Variants in ACHE observed in about 807,000 individuals in gnomAD.
ACHE encodes acetylcholinesterase.
A neutral mutation model predicts 53.9 loss-of-function variants in ACHE; 19 were observed. The observed-to-expected ratio is 0.35, with a 90% confidence interval of 0.25 to 0.52. The LOEUF (loss-of-function observed/expected upper bound fraction) is 0.52, where lower values mean the gene tolerates loss of function less well. Ranked by LOEUF, ACHE falls within the 20% of genes least tolerant of loss-of-function variation. The pLI is 0.95. For synonymous variants in ACHE, 392 were observed against 378.1 expected (o/e 1.04, Z -0.43); for missense variants, 605 against 849.4 (o/e 0.71, Z 3.58).
upstream of ACHE, chr7:100,896,094 T>A (rs897013152): frequency 6.6e-6 from 1 of 151,764 alleles, no homozygotes; most frequent in Non-Finnish European, 1.5e-5. Flanking sequence ...CAGAGCGCAG[T>A]GACAGACGCG....
At chr7:100,895,143 G>A (rs1028091016) in intron 1 of ACHE, among the ~76,000 whole-genome samples, 1 of 152,006 alleles carries the variant, frequency 6.6e-6, no homozygotes, top group Admixed American at 6.5e-5. Flanking sequence ...GCTATTTTGG[G>A]GGCAGCAGCT....
Position 100,894,008 on chromosome 7 carries a change from G to A in ACHE, c.225C>T (p.Pro75=), listed in dbSNP as rs774733896. The A allele has an allele frequency of 1.2e-6, 2 of 1,611,110 alleles. No individual in the cohort carries two copies. Among genetic ancestry groups the A allele is most frequent in the Admixed American group, 1.7e-5 (1 of 59,406 alleles). The part of the protein sequence containing the change: ...GIPFAEPPMG[P]RRFLPPEPKQ... Reference sequence around the variant, plus strand: ...TGGGCTCCGGTGGCAGAAAGCGACGGGGTCCCATGGGTGGCTCCGCAAAGG... The same window carrying A: ...TGGGCTCCGGTGGCAGAAAGCGACGAGGTCCCATGGGTGGCTCCGCAAAGG... The change falls in exon 2 of 5, where the codon CCC becomes CCT. Residue 75 remains proline, a synonymous_variant. Coordinates refer to ENST00000241069, the MANE Select transcript of ACHE (RefSeq NM_000665.5).
chr7:100,892,200 A>G lies in ACHE; in HGVS notation c.1553+134T>C. 1 of 1,133,226 alleles carries G rather than the reference A, an allele frequency of 8.8e-7. No individual in the cohort carries two copies. Among genetic ancestry groups the G allele is most frequent in the Non-Finnish European group, 1.2e-6 (1 of 869,224 alleles). The allele number at this position is 1,133,226 out of a possible 1,614,324, so 70.2% of individuals were successfully genotyped here. ...TCTCTCCCCTTTTATCTACTTTGTG[A>G]GCATATCCCTCTCTGGCTGTTCTAT... On this transcript the variant is annotated intron_variant, in intron 3 of 4. Transcript: ENST00000241069. This position sits in a 1 kb window ranked among gnomAD's most constrained non-coding sequence, Gnocchi z 5.2.
Position 100,894,107 on chromosome 7 carries a change from C to T in ACHE, c.126G>A (p.Thr42=), listed in dbSNP as rs762707615. 2.0e-5 allele frequency: 30 copies of T among 1,509,986 alleles called. No homozygotes were observed. Among genetic ancestry groups the T allele is most frequent in the Non-Finnish European group, 2.6e-5 (29 of 1,131,212 alleles). The allele number at this position is 1,509,986 out of a possible 1,614,324, so 93.5% of individuals were successfully genotyped here. The part of the protein sequence containing the change: ...EGREDAELLV[T]VRGGRLRGIR... Reference sequence around the variant, plus strand: ...TGCCCCGCAGCCGGCCCCCACGCACCGTCACCAGCAGCTCTGCATCCTCCC... The same window carrying T: ...TGCCCCGCAGCCGGCCCCCACGCACTGTCACCAGCAGCTCTGCATCCTCCC... The change falls in exon 2 of 5, where the codon ACG becomes ACA. Residue 42 remains threonine, a synonymous_variant. Transcript: ENST00000241069.
At chr7:100,890,703 T>A (rs1025808431) in intron 4 of ACHE, 4 of 1,322,310 alleles carry the variant, frequency 3.0e-6, no homozygotes, top group Non-Finnish European at 3.9e-6. Context: ...TTCCCCCCAA[T>A]GTCAGGCTCA....
intron 1 of ACHE, 57 bp from the exon 2 acceptor site, chr7:100,894,309 G>A (rs925130885): frequency 6.3e-6 from 8 of 1,277,728 alleles, no homozygotes; most frequent in Middle Eastern, 2.2e-4. Flanking sequence ...CAGGAGGGAG[G>A]AGATTAGGGC....
intron 3 of ACHE, 133 bp from the exon 4 acceptor site, chr7:100,891,471 C>A: frequency 2.3e-6 from 2 of 882,562 alleles, no homozygotes; most frequent in Non-Finnish European, 3.2e-6. Flanking sequence ...CCACTTTCTC[C>A]AATGTGCGCG....
Position 100,890,066 on chromosome 7 carries a change from C to T in ACHE, c.*148G>A. The T allele has an allele frequency of 2.1e-6, 2 of 961,906 alleles. No individual in the cohort carries two copies. The highest frequency in any genetic ancestry group is 1.5e-6 in the Non-Finnish European group (1 of 663,164). The allele number at this position is 961,906 out of a possible 1,614,324, so 59.6% of individuals were successfully genotyped here. ...GGGAGGGAGCTCAGCCTGAGACATG[C>T]AGAGGACCGGGAGCCCCGGGGGACG... is the stretch of plus-strand genomic sequence containing the variant. On this transcript the variant is annotated 3_prime_UTR_variant, in exon 5 of 5. Transcript: ENST00000241069.
rs766862660 is a variant in ACHE at position 100,892,305 on chromosome 7, C to G, written c.1553+29G>C. On this transcript the variant is annotated intron_variant, in intron 3 of 4. Coordinates refer to ENST00000241069, the MANE Select transcript of ACHE (RefSeq NM_000665.5). This position sits in a 1 kb window ranked among gnomAD's most constrained non-coding sequence, Gnocchi z 5.2. ...CTCCCGCCCCCGACTCCTGTCCTCC[C>G]CAGCCTTCTCTCCCTCTGCACTGCT... The G allele has an allele frequency of 2.0e-6, 3 of 1,487,006 alleles. No homozygotes were observed. The highest frequency in any genetic ancestry group is 4.6e-5 in the Admixed American group (2 of 43,166). 92.1% of individuals were successfully genotyped at this position (1,487,006 alleles called of 1,614,324 possible).
chr7:100,893,224 C>G lies in ACHE; in HGVS notation c.1009G>C (p.Asp337His), dbSNP rs1790807575. The stretch of plus-strand genomic sequence containing the variant: ...GCCTCTGGGGTGTCACTGAGGAAGT[C>G]TCCATCTACCACAGGCACGAAGGAG... ...RFSFVPVVDG[D>H]FLSDTPEALI... is the part of the protein sequence containing the mutation. The change falls in exon 2 of 5, where the codon GAC becomes CAC. Residue 337 changes from aspartate to histidine, a missense_variant. Asp to His is a moderately conservative substitution (Grantham distance 81, BLOSUM62 -1). Around this residue, in one of 4 missense-constraint regions of ACHE, gnomAD observed 397 missense variants for 632.5 expected, o/e 0.63. Coordinates refer to ENST00000241069, the MANE Select transcript of ACHE (RefSeq NM_000665.5). 6.2e-7 allele frequency: 1 copy of G among 1,614,126 alleles called. No homozygotes were observed. Among genetic ancestry groups the G allele is most frequent in the African/African-American group, 1.3e-5 (1 of 75,056 alleles).
Position 100,891,181 on chromosome 7 carries a change from G to C in ACHE, c.1711C>G (p.Leu571Val), listed in dbSNP as rs749635970. ...GGCCCCTGCATACCGGTGGCGCTGA[G>C]CAATTTGGGGAGGAAGCGGTTCCAG... ...AFWNRFLPKL[L>V]SATDTLDEAE... The change falls in exon 4 of 5, where the codon CTC becomes GTC. Residue 571 changes from leucine (L) to valine (V), a missense_variant. Around this residue, in one of 4 missense-constraint regions of ACHE, gnomAD observed 91 missense variants for 83.2 expected, o/e 1.09. Coordinates refer to ENST00000241069, the MANE Select transcript of ACHE (RefSeq NM_000665.5). The C allele has an allele frequency of 3.1e-6, 5 of 1,607,108 alleles. No homozygotes were observed. In the African/African-American group the frequency reaches 5.3e-5, roughly 17 times the overall value.
At position 100,894,212 on chromosome 7, in the gene ACHE, C is replaced by G; in HGVS notation, c.21G>C (p.Leu7=). Reference sequence around the variant, plus strand: ...GGGAAGCCAGGGAAGGCGTGTGCAGCAGACACTGCGGGGGCCTCATGGCTG... The same window carrying G: ...GGGAAGCCAGGGAAGGCGTGTGCAGGAGACACTGCGGGGGCCTCATGGCTG... The part of the protein sequence containing the change: MRPPQC[L]LHTPSLASPL... The change falls in exon 2 of 5, where the codon CTG becomes CTC. Residue 7 remains leucine, a synonymous_variant. Transcript: ENST00000241069. 2.7e-6 allele frequency: 4 copies of G among 1,460,634 alleles called. No homozygotes were observed. Among genetic ancestry groups the G allele is most frequent in the Non-Finnish European group, 3.6e-6 (4 of 1,111,984 alleles). The allele number at this position is 1,460,634 out of a possible 1,614,324, so 90.5% of individuals were successfully genotyped here. A position where few individuals can be genotyped will look rare whatever the true frequency, so the allele number is the denominator to read the frequency against.
Position 100,892,482 on chromosome 7 carries a change from A to T in ACHE, c.1405T>A (p.Ser469Thr). 2 of 1,585,364 alleles carry T rather than the reference A, an allele frequency of 1.3e-6. No homozygotes were observed. Among genetic ancestry groups the T allele is most frequent in the Non-Finnish European group, 1.7e-6 (2 of 1,159,280 alleles). Reference sequence around the variant, plus strand: ...GGCACCCCCATCCACAGGGGCCAGGAGAGCGTGGAAGCACGGTGTTCAAAG... The same window carrying T: ...GGCACCCCCATCCACAGGGGCCAGGTGAGCGTGGAAGCACGGTGTTCAAAG... Reference protein sequence around the residue: ...YVFEHRASTLSWPLWMGVPHG... With the variant: ...YVFEHRASTLTWPLWMGVPHG... Residue 469 changes from serine to threonine, a missense_variant, in exon 3 of 5, where the codon TCC becomes ACC. Coordinates refer to ENST00000241069, the MANE Select transcript of ACHE (RefSeq NM_000665.5). This position sits in a 1 kb window ranked among gnomAD's most constrained non-coding sequence, Gnocchi z 5.2.
At position 100,892,946 on chromosome 7, in the gene ACHE, G is replaced by A. The variant is rs968762522; in HGVS notation, c.1069-128C>T. 8 of 1,316,556 alleles carry A rather than the reference G, an allele frequency of 6.1e-6. No homozygotes were observed. In the African/African-American group the frequency reaches 8.9e-5, roughly 15 times the overall value. The allele number at this position is 1,316,556 out of a possible 1,614,324, so 81.6% of individuals were successfully genotyped here. A position where few individuals can be genotyped will look rare whatever the true frequency, so the allele number is the denominator to read the frequency against. On this transcript the variant is annotated intron_variant, in intron 2 of 4. Transcript: ENST00000241069. The surrounding 1 kb of genome is among the most constrained non-coding windows in gnomAD (Gnocchi z 5.2). ...AGACCCGGAACCATGGACAGAGAGAGGACGAGATCAGGGGAGGGATGCAGA... is the reference window on the plus strand; with the variant it reads ...AGACCCGGAACCATGGACAGAGAGAAGACGAGATCAGGGGAGGGATGCAGA...
chr7:100,896,578 C>T, upstream of ACHE: 1 of 253,252 alleles, frequency 3.9e-6, no homozygotes, highest in Non-Finnish European at 8.5e-6. Flanking sequence ...AGCGTGGTAG[C>T]ACGCGCAAGG....
chr7:100,896,913 G>T (rs928256580), upstream of ACHE: 1 of 152,666 alleles, frequency 6.6e-6, no homozygotes, highest in African/African-American at 2.4e-5. Flanking sequence ...CGCGGCGCCT[G>T]CTTCCTGGAG....
chr7:100,891,444 C>T, intron 3 of ACHE, 106 bp from the exon 4 acceptor site: 1 of 1,131,708 alleles, frequency 8.8e-7, no homozygotes, highest in Non-Finnish European at 1.2e-6. Context: ...CCCAGAGAAC[C>T]CGTCCCCTCC....
At chr7:100,890,649 T>G (rs1790620246) in intron 4 of ACHE, 3 of 1,377,166 alleles carry the variant, frequency 2.2e-6, no homozygotes, top group Non-Finnish European at 2.8e-6. Context: ...TGGTTGACCG[T>G]TATAGCCCCA....
In ACHE at chr7:100,890,123, G is replaced by T; in HGVS notation, c.*91C>A. ...TGGGGTGGGGATGGGCAGAGTCTGG[G>T]GCTCGTCTGTGTTATAGCCCAGCCC... is the stretch of plus-strand genomic sequence containing the variant. On this transcript the variant is annotated 3_prime_UTR_variant, in exon 5 of 5. Transcript: ENST00000241069. 6.6e-7 allele frequency: 1 copy of T among 1,511,832 alleles called. No homozygotes were observed. Among genetic ancestry groups the T allele is most frequent in the African/African-American group, 1.4e-5 (1 of 73,356 alleles). 93.7% of individuals were successfully genotyped at this position (1,511,832 alleles called of 1,614,324 possible).
Sources: gnomAD v4.1 joint callset for allele counts (sites outside exome capture counted in the v4.1 genomes callset) on GRCh38, gnomAD v4.1.1 for gene constraint, gnomAD v4.1.1 regional missense constraint, Gnocchi (gnomAD v3.1) non-coding constraint, MANE v1.5 for transcripts, NCBI Gene and HGNC (gene_info 2026-07-23, HGNC 2026-07-21) for gene names.